The following PACS1 variants were observed in gnomAD, a reference collection of about 807,000 sequenced individuals.
PACS1 encodes PACS-1.
A neutral mutation model predicts 115.0 loss-of-function variants in PACS1; 24 were observed. That is an observed-to-expected ratio of 0.21 (90% CI 0.15 to 0.29). The LOEUF (loss-of-function observed/expected upper bound fraction) is 0.29. Ranked by LOEUF, PACS1 falls within the 10% of genes least tolerant of loss-of-function variation. The probability of loss-of-function intolerance (pLI) is 1.00; values close to 1 mark genes in which losing one functional copy is unlikely to be tolerated. For synonymous variants in PACS1, 453 were observed against 504.5 expected (o/e 0.90, Z 1.37); for missense variants, 838 against 1,251.2 (o/e 0.67, Z 4.98).
intron 1 of PACS1, among the ~76,000 whole-genome samples, chr11:66,086,437 C>G (rs1196694945): frequency 6.6e-6 from 1 of 152,124 alleles, no homozygotes; most frequent in Non-Finnish European, 1.5e-5. Context: ...CGCGCCCGGC[C>G]TGTAAGATCT....
At chr11:66,155,361 A>T (rs906170424) in intron 1 of PACS1, among the ~76,000 whole-genome samples, 1 of 152,236 alleles carries the variant, frequency 6.6e-6, no homozygotes, top group African/African-American at 2.4e-5. Flanking sequence ...TTTACAATAG[A>T]TAAATCTGAC....
chr11:66,126,927 T>G (rs72934666), intron 1 of PACS1, among the ~76,000 whole-genome samples: 15,904 of 151,984 alleles, frequency 0.1, 1,673 homozygotes, highest in African/African-American at 0.27. Flanking sequence ...GTGGAGGAGC[T>G]TTTCATCAAA....
At chr11:66,217,967 A>C (rs1855252117) in intron 7 of PACS1, 1 of 211,336 alleles carries the variant, frequency 4.7e-6, no homozygotes, top group South Asian at 6.5e-5. Flanking sequence ...ACTGGAGTTC[A>C]GTGCTCCTGC....
chr11:66,086,223 C>T (rs530187135), intron 1 of PACS1, among the ~76,000 whole-genome samples: 4 of 151,240 alleles, frequency 2.6e-5, no homozygotes, highest in South Asian at 2.1e-4. Flanking sequence ...CTGCAGGCTC[C>T]GCCCCCCGGG....
At chr11:66,213,340 G>A (rs752625188) in intron 4 of PACS1, among the ~76,000 whole-genome samples, 1 of 152,200 alleles carries the variant, frequency 6.6e-6, no homozygotes, top group Non-Finnish European at 1.5e-5. Flanking sequence ...TGAGTCCTTA[G>A]TAATATGTCT....
intron 1 of PACS1, among the ~76,000 whole-genome samples, chr11:66,127,359 G>A (rs1858603822): frequency 6.6e-6 from 1 of 152,118 alleles, no homozygotes; most frequent in Non-Finnish European, 1.5e-5. Flanking sequence ...TCTGTTTTCC[G>A]GTTGGGGAAG....
At chr11:66,076,334 G>A (rs1299675460) in intron 1 of PACS1, among the ~76,000 whole-genome samples, 3 of 152,168 alleles carry the variant, frequency 2.0e-5, no homozygotes, top group African/African-American at 7.2e-5. Context: ...GGGCGGGTAC[G>A]CCTCAGAAAA....
intron 1 of PACS1, among the ~76,000 whole-genome samples, chr11:66,091,387 C>T (rs1857656807): frequency 6.6e-6 from 1 of 152,040 alleles, no homozygotes; most frequent in African/African-American, 2.4e-5. Flanking sequence ...GCAGTCCACC[C>T]ACCTCGGCCT....
rs577155201 is a variant in PACS1 at position 66,200,775 on chromosome 11, C to T, written c.444+7202C>T. On this transcript the variant is annotated intron_variant, in intron 2 of 23. Coordinates refer to ENST00000320580, the MANE Select transcript of PACS1 (RefSeq NM_018026.4). The stretch of plus-strand genomic sequence containing the variant: ...AAAATAAAGAAACATCAGACTTAAC[C>T]GCACTATAGACCAAATGGACCGAAT... Among the ~76,000 whole-genome samples, 8 of 152,212 alleles carry T rather than the reference C, an allele frequency of 5.3e-5. No individual in the cohort carries two copies. The East Asian group carries it at 1.2e-3, about 22-fold the overall frequency.
chr11:66,088,926 A>G (rs1857614755), intron 1 of PACS1, among the ~76,000 whole-genome samples: 2 of 152,186 alleles, frequency 1.3e-5, no homozygotes, highest in South Asian at 4.1e-4. Context: ...ATATTTTAGC[A>G]TATAAGTATT....
At chr11:66,124,659 A>T (rs554957275) in intron 1 of PACS1, among the ~76,000 whole-genome samples, 3 of 152,302 alleles carry the variant, frequency 2.0e-5, no homozygotes, top group Non-Finnish European at 4.4e-5. Flanking sequence ...TGGAGATCAA[A>T]CTCTGCCTTT....
chr11:66,118,739 C>T (rs1201198891), intron 1 of PACS1, among the ~76,000 whole-genome samples: 1 of 117,930 alleles, frequency 8.5e-6, no homozygotes, highest in East Asian at 2.6e-4. Context: ...CCAGCCTGGG[C>T]TTAGGCAACA....
intron 1 of PACS1, among the ~76,000 whole-genome samples, chr11:66,160,884 G>C (rs183259764): frequency 6.6e-6 from 1 of 152,002 alleles, no homozygotes; most frequent in East Asian, 1.9e-4. Context: ...TTAGCATCTG[G>C]GCACATCCTC....
At chr11:66,092,769 T>G (rs1057032881) in intron 1 of PACS1, among the ~76,000 whole-genome samples, 26 of 152,154 alleles carry the variant, frequency 1.7e-4, no homozygotes, top group Non-Finnish European at 3.1e-4. Flanking sequence ...GCACCATTTA[T>G]TAAATAGAGA....
intron 7 of PACS1, chr11:66,217,331 C>T: frequency 3.1e-6 from 1 of 324,476 alleles, no homozygotes. Context: ...TCAAGAGTCA[C>T]TGTTTTGATG....
At chr11:66,172,394 C>A (rs1859760506) in intron 1 of PACS1, among the ~76,000 whole-genome samples, 1 of 152,174 alleles carries the variant, frequency 6.6e-6, no homozygotes, top group Non-Finnish European at 1.5e-5. Flanking sequence ...TACGTTGCAC[C>A]TTTTTGCCTT....
chr11:66,195,873 C>G (rs1854638530), intron 2 of PACS1, among the ~76,000 whole-genome samples: 1 of 152,190 alleles, frequency 6.6e-6, no homozygotes, highest in African/African-American at 2.4e-5. Flanking sequence ...CCTGAGGTCT[C>G]TAAGACACTT....
rs188690251 is a variant in PACS1 at position 66,091,660 on chromosome 11, A to T, written c.356+20818A>T. Among the ~76,000 whole-genome samples, 325 of 151,610 alleles carry T rather than the reference A, an allele frequency of 2.1e-3. 1 individual carries two copies. Among genetic ancestry groups the T allele is most frequent in the Admixed American group, 6.1e-3 (93 of 15,222 alleles). ...AGCATTAGGTATATCTCCTAAAGCT[A>T]TCCCTCCCCCCTCCTCCCACCCCAC... On this transcript the variant is annotated intron_variant, in intron 1 of 23. Transcript: ENST00000320580.
chr11:66,220,500 C>T, intron 8 of PACS1, 131 bp from the exon 9 acceptor site: 1 of 840,010 alleles, frequency 1.2e-6, no homozygotes, highest in South Asian at 1.7e-5. Flanking sequence ...GAAGGTTACT[C>T]CAGCCAGTGT....
Sources: allele counts gnomAD v4.1 joint callset (sites outside exome capture counted in the v4.1 genomes callset), GRCh38; gene constraint gnomAD v4.1.1; transcripts MANE v1.5; gene names NCBI Gene and HGNC (gene_info 2026-07-23, HGNC 2026-07-21).